C10orf53: variants seen among roughly 807,000 people sequenced by gnomAD.
C10orf53 encodes the protein UPF0728 protein C10orf53.
Under a neutral mutation model 9.4 loss-of-function variants are expected in C10orf53, and 8 were observed. The observed-to-expected ratio is 0.85, with a 90% CI of 0.50 to 1.53. The LOEUF (loss-of-function observed/expected upper bound fraction) is 1.53. C10orf53 is among the 40% of genes most tolerant of loss of function. The probability of loss-of-function intolerance (pLI) is 0.00; values close to 1 mark genes in which losing one functional copy is unlikely to be tolerated. For missense variants in C10orf53, 117 were observed against 117.8 expected (o/e 0.99, Z 0.03); for synonymous variants, 48 against 46.0 (o/e 1.04, Z -0.18).
rs538820104 is a variant in C10orf53 at position 49,703,961 on chromosome 10, C to T, written c.218-4400C>T. Among the ~76,000 whole-genome samples the T allele has an allele frequency of 2.2e-4, 34 of 152,270 alleles. 1 individual carries two copies. The highest frequency in any genetic ancestry group is 6.5e-4 in the African/African-American group (27 of 41,562). ...GGCCTCTCAAATCACTGGAGAAAAG[C>T]GCTCATTCTTAAAATGTGGTTAGGA... is the stretch of plus-strand genomic sequence containing the variant. On this transcript the variant is annotated intron_variant, in intron 2 of 2. Transcript: ENST00000374112.
intron 2 of C10orf53, among the ~76,000 whole-genome samples, chr10:49,706,725 A>G (rs908413880): frequency 6.6e-6 from 1 of 152,226 alleles, no homozygotes; most frequent in Non-Finnish European, 1.5e-5. Flanking sequence ...TGAATTGTAC[A>G]TATGTGAATT....
At chr10:49,681,402 A>G (rs778840707) in intron 1 of C10orf53, among the ~76,000 whole-genome samples, 2 of 152,206 alleles carry the variant, frequency 1.3e-5, no homozygotes, top group Non-Finnish European at 2.9e-5. Flanking sequence ...GTTTTAGCTG[A>G]GCAATCAGGG....
At position 49,694,658 on chromosome 10, in the gene C10orf53, C is replaced by CT; in HGVS notation, c.*57dup. On this transcript the variant is annotated 3_prime_UTR_variant, in exon 3 of 3. Coordinates refer to ENST00000374111, the MANE Select transcript of C10orf53 (RefSeq NM_001042427.3). ...CACAACAGCAGCTGCCCCAGCCATT[C>CT]TATGATGCAGGCAGAAGTGGCTGTG... 1 of 1,613,074 alleles carries CT rather than the reference C, an allele frequency of 6.2e-7. No homozygotes were observed. Among genetic ancestry groups the CT allele is most frequent in the Non-Finnish European group, 8.5e-7 (1 of 1,179,554 alleles).
At chr10:49,693,731 A>C (rs1484578547) in intron 1 of C10orf53, 43 bp from the exon 2 acceptor site, 4 of 1,597,224 alleles carry the variant, frequency 2.5e-6, no homozygotes, top group Non-Finnish European at 2.6e-6. Flanking sequence ...GTTAGTTTGA[A>C]GTCTGACCCC....
chr10:49,686,482 G>A (rs978482279), intron 1 of C10orf53, among the ~76,000 whole-genome samples: 2 of 152,168 alleles, frequency 1.3e-5, no homozygotes, highest in African/African-American at 2.4e-5. Flanking sequence ...GAATACAGCC[G>A]TATTTTTCTT....
In C10orf53 at chr10:49,694,818, A is replaced by C; in HGVS notation, c.*216A>C. On this transcript the variant is annotated 3_prime_UTR_variant, in exon 3 of 3. Coordinates refer to ENST00000374111, the MANE Select transcript of C10orf53 (RefSeq NM_001042427.3). ...TAATAAAAACCACATCATTTATAAC[A>C]TGTCTCAATCTCAACCCATAGGGAG... 2 of 1,377,742 alleles carry C rather than the reference A, an allele frequency of 1.5e-6. No individual in the cohort carries two copies. The highest frequency in any genetic ancestry group is 1.9e-6 in the Non-Finnish European group (2 of 1,067,918). The allele number at this position is 1,377,742 out of a possible 1,614,324, so 85.3% of individuals were successfully genotyped here. A position where few individuals can be genotyped will look rare whatever the true frequency, so the allele number is the denominator to read the frequency against.
intron 1 of C10orf53, among the ~76,000 whole-genome samples, chr10:49,692,032 G>A (rs1840590032): frequency 6.6e-6 from 1 of 152,228 alleles, no homozygotes; most frequent in South Asian, 2.1e-4. Context: ...CCGCCGTCCT[G>A]AGGGGTTGCT....
chr10:49,682,541 AGGAG>A (rs1840489358), intron 1 of C10orf53, among the ~76,000 whole-genome samples: 1 of 1,174 alleles, frequency 8.5e-4, no homozygotes, highest in Non-Finnish European at 0.011. Flanking sequence ...GGAGGGGGAC[AGGAG>A]CCAGTTGCTG....
intron 1 of C10orf53, among the ~76,000 whole-genome samples, chr10:49,680,842 G>A (rs1840472410): frequency 6.6e-6 from 1 of 152,226 alleles, no homozygotes; most frequent in Non-Finnish European, 1.5e-5. Context: ...ACTTGAAACA[G>A]TGCTGATGGA....
At chr10:49,702,279 A>G (rs967829421), downstream of C10orf53, among the ~76,000 whole-genome samples, 2 of 151,246 alleles carry the variant, frequency 1.3e-5, no homozygotes, top group Non-Finnish European at 2.9e-5. Flanking sequence ...AACCAGTGGG[A>G]AGTTGGGGTG....
intron 1 of C10orf53, among the ~76,000 whole-genome samples, chr10:49,689,788 CAGAG>C (rs1840564447): frequency 6.6e-6 from 1 of 152,082 alleles, no homozygotes; most frequent in African/African-American, 2.4e-5. Context: ...CTGAAAAAGA[CAGAG>C]GGAGAGAAGA....
intron 2 of C10orf53, among the ~76,000 whole-genome samples, chr10:49,706,792 A>G (rs553750563): frequency 1.3e-5 from 2 of 152,342 alleles, no homozygotes; most frequent in Middle Eastern, 3.4e-3. Flanking sequence ...TTTGAACAAC[A>G]TTAAAGGCAC....
intron 2 of C10orf53, 80 bp downstream of exon 2, chr10:49,693,973 G>A (rs755308945): frequency 1.1e-5 from 18 of 1,584,666 alleles, no homozygotes; most frequent in Non-Finnish European, 1.5e-5. Flanking sequence ...AATGATCAGT[G>A]TATCATGCCT....
At chr10:49,704,547 C>A (rs1195191019) in intron 2 of C10orf53, among the ~76,000 whole-genome samples, 2 of 152,090 alleles carry the variant, frequency 1.3e-5, no homozygotes. Context: ...TTGAGACCAG[C>A]CTGACCAACA....
intron 2 of C10orf53, among the ~76,000 whole-genome samples, chr10:49,703,895 T>C (rs1233620619): frequency 6.6e-6 from 1 of 152,050 alleles, no homozygotes; most frequent in African/African-American, 2.4e-5. Context: ...AGAATCGAAA[T>C]CTAAAAATTG....
At chr10:49,688,370 AC>A (rs1464805892) in intron 1 of C10orf53, among the ~76,000 whole-genome samples, 1 of 149,426 alleles carries the variant, frequency 6.7e-6, no homozygotes, top group African/African-American at 2.5e-5. Flanking sequence ...CCTCCTGACT[AC>A]CCCCTCTGCA....
At chr10:49,690,207 G>A (rs1564505237) in intron 1 of C10orf53, among the ~76,000 whole-genome samples, 1 of 152,160 alleles carries the variant, frequency 6.6e-6, no homozygotes, top group East Asian at 1.9e-4. Context: ...GGAGACTTGA[G>A]GGTTGCAAGG....
chr10:49,688,555 C>T (rs1840551242), intron 1 of C10orf53, among the ~76,000 whole-genome samples: 1 of 151,740 alleles, frequency 6.6e-6, no homozygotes, highest in South Asian at 2.1e-4. Context: ...CCAGGGGCCC[C>T]CAGCTCACTC....
chr10:49,708,610 C>T (rs1245581227), exon 3 of C10orf53: 1 of 1,613,900 alleles, frequency 6.2e-7, no homozygotes, highest in East Asian at 2.2e-5. Context: ...GGAACTCAGC[C>T]CTACTGAAAT....
Sources: allele counts gnomAD v4.1 joint callset (sites outside exome capture counted in the v4.1 genomes callset), GRCh38; gene constraint gnomAD v4.1.1; transcripts MANE v1.5; gene names NCBI Gene and HGNC (gene_info 2026-07-23, HGNC 2026-07-21).